Variants in VAV1 observed in about 807,000 individuals in gnomAD.
VAV1 encodes vav guanine nucleotide exchange factor 1.
VAV1 carries 33 observed loss-of-function variants against 128.1 expected under a neutral mutation model. The ratio of observed to expected loss-of-function variants is 0.26; its 90% confidence interval spans 0.20 to 0.34. The LOEUF is 0.34. Ranked by LOEUF, VAV1 falls within the 10% of genes least tolerant of loss-of-function variation. The pLI is 1.00. For missense variants in VAV1, 715 were observed against 1,093.7 expected (o/e 0.65, Z 4.88); for synonymous variants, 394 against 409.8 (o/e 0.96, Z 0.47).
Position 6,821,787 on chromosome 19 carries a change from C to T in VAV1, c.381-4C>T. On this transcript the variant is annotated splice_region_variant and splice_polypyrimidine_tract_variant and intron_variant, in intron 3 of 26. Transcript: ENST00000602142. ...CCCTGGCTCACACCCTCCTGACCCC[C>T]CAGGCCCTTCCCCACCGAGGAGGAG... 2.5e-6 allele frequency: 4 copies of T among 1,614,212 alleles called. No individual in the cohort carries two copies. Among genetic ancestry groups the T allele is most frequent in the Non-Finnish European group, 3.4e-6 (4 of 1,180,026 alleles).
At chr19:6,849,996 T>C (rs185300962) in intron 23 of VAV1, among the ~76,000 whole-genome samples, 1 of 152,178 alleles carries the variant, frequency 6.6e-6, no homozygotes, top group Non-Finnish European at 1.5e-5. Flanking sequence ...TTTTTAGTTC[T>C]TCGAGAAACC....
intron 1 of VAV1, among the ~76,000 whole-genome samples, chr19:6,801,466 A>T (rs750219357): frequency 6.6e-6 from 1 of 151,888 alleles, no homozygotes; most frequent in African/African-American, 2.4e-5. Flanking sequence ...GCTTCCTCAC[A>T]GAAGGGTTTG....
Position 6,843,164 on chromosome 19 carries a change from C to G in VAV1, c.2010C>G (p.Leu670=). ...CTCCTCAGGACCTGTCTGTTCATCT[C>G]TGGTGAGTAGAAACATTTATTTTTG... ...HGPPQDLSVH[L]WYAGPMERAG... The change falls in exon 22 of 27, where the codon CTC becomes CTG. Residue 670 remains leucine, a splice_region_variant and synonymous_variant. Coordinates refer to ENST00000602142, the MANE Select transcript of VAV1 (RefSeq NM_005428.4). 6.2e-7 allele frequency: 1 copy of G among 1,614,140 alleles called. No individual in the cohort carries two copies. Among genetic ancestry groups the G allele is most frequent in the Non-Finnish European group, 8.5e-7 (1 of 1,180,012 alleles).
intron 1 of VAV1, among the ~76,000 whole-genome samples, chr19:6,788,350 T>TA (rs1230328710): frequency 2.4e-4 from 34 of 141,972 alleles, no homozygotes; most frequent in Non-Finnish European, 4.6e-4. Flanking sequence ...TTCTTTTTAT[T>TA]TTATTATTAT....
At position 6,822,612 on chromosome 19, in the gene VAV1, T is replaced by A. The variant is rs969407807; in HGVS notation, c.654+98T>A. On this transcript the variant is annotated intron_variant, in intron 6 of 26. Coordinates refer to ENST00000602142, the MANE Select transcript of VAV1 (RefSeq NM_005428.4). This position sits in a 1 kb window ranked among gnomAD's most constrained non-coding sequence, Gnocchi z 5.9. Reference sequence around the variant, plus strand: ...CCGGCCGCTCTGGGCAGCTGAGGATTTCCTGCTCCCATCGCTTTTCCTTTC... The same window carrying A: ...CCGGCCGCTCTGGGCAGCTGAGGATATCCTGCTCCCATCGCTTTTCCTTTC... 1.3e-5 allele frequency: 14 copies of A among 1,047,646 alleles called. No individual in the cohort carries two copies. In the Admixed American group the frequency reaches 3.6e-4, roughly 27 times the overall value. 64.9% of individuals were successfully genotyped at this position (1,047,646 alleles called of 1,614,324 possible).
At position 6,826,529 on chromosome 19, in the gene VAV1, A is replaced by G; in HGVS notation, c.828-83A>G. The G allele has an allele frequency of 1.9e-6, 2 of 1,028,630 alleles. No homozygotes were observed. The highest frequency in any genetic ancestry group is 2.9e-6 in the Non-Finnish European group (2 of 680,110). The allele number at this position is 1,028,630 out of a possible 1,614,324, so 63.7% of individuals were successfully genotyped here. A position where few individuals can be genotyped will look rare whatever the true frequency, so the allele number is the denominator to read the frequency against. ...ACTCAGGTTTCTTCTCCAGCGGGGA[A>G]GAGCAAGGCCAGGGCTGACGCCAGC... On this transcript the variant is annotated intron_variant, in intron 8 of 26. Coordinates refer to ENST00000602142, the MANE Select transcript of VAV1 (RefSeq NM_005428.4). This position sits in a 1 kb window ranked among gnomAD's most constrained non-coding sequence, Gnocchi z 4.1.
At chr19:6,846,816 TATA>T (rs1436930564) in intron 22 of VAV1, among the ~76,000 whole-genome samples, 7 of 147,850 alleles carry the variant, frequency 4.7e-5, no homozygotes, top group Non-Finnish European at 1.0e-4. Context: ...TATATTATTA[TATA>T]ATGATTATAT....
intron 21 of VAV1, among the ~76,000 whole-genome samples, chr19:6,841,147 T>C (rs1052783274): frequency 2.0e-5 from 3 of 151,914 alleles, no homozygotes; most frequent in African/African-American, 7.3e-5. Flanking sequence ...ACTCCTGGGC[T>C]CAAGAGACCC....
At chr19:6,844,303 C>A (rs1972462271) in intron 22 of VAV1, among the ~76,000 whole-genome samples, 1 of 151,718 alleles carries the variant, frequency 6.6e-6, no homozygotes, top group African/African-American at 2.4e-5. Flanking sequence ...ACTGCAACCT[C>A]CACCTCCCAG....
chr19:6,786,122 C>T (rs1970887412), intron 1 of VAV1, among the ~76,000 whole-genome samples: 1 of 152,204 alleles, frequency 6.6e-6, no homozygotes, highest in African/African-American at 2.4e-5. Flanking sequence ...CTGTTTTCCA[C>T]ACTCAAATGT....
intron 1 of VAV1, among the ~76,000 whole-genome samples, chr19:6,790,316 C>T (rs934131681): frequency 7.9e-5 from 12 of 152,194 alleles, no homozygotes; most frequent in African/African-American, 2.7e-4. Context: ...ACAGTTAATA[C>T]TTTTCTGAGT....
intron 1 of VAV1, among the ~76,000 whole-genome samples, chr19:6,811,197 G>C (rs545779697): frequency 6.6e-6 from 1 of 151,962 alleles, no homozygotes; most frequent in Non-Finnish European, 1.5e-5. Flanking sequence ...CACCATGCCC[G>C]GCTAATTTTT....
chr19:6,776,958 T>C (rs1219508649), intron 1 of VAV1, among the ~76,000 whole-genome samples: 1 of 152,036 alleles, frequency 6.6e-6, no homozygotes, highest in Non-Finnish European at 1.5e-5. Context: ...GGTTTCACCA[T>C]ATTGGCCAGG....
At chr19:6,803,265 A>G (rs1278527395) in intron 1 of VAV1, among the ~76,000 whole-genome samples, 1 of 152,202 alleles carries the variant, frequency 6.6e-6, no homozygotes, top group East Asian at 1.9e-4. Context: ...TCATCTTTGT[A>G]CCCACTTTAA....
intron 26 of VAV1, 100 bp downstream of exon 26, chr19:6,854,198 A>G (rs1161828391): frequency 5.5e-6 from 8 of 1,465,672 alleles, no homozygotes; most frequent in African/African-American, 2.8e-5. Context: ...TGCGGCTCCC[A>G]TGGAGATCTC....
intron 22 of VAV1, among the ~76,000 whole-genome samples, chr19:6,845,378 C>T (rs534415719): frequency 7.9e-5 from 12 of 151,910 alleles, no homozygotes; most frequent in Admixed American, 2.6e-4. Flanking sequence ...GAGCGAGACT[C>T]GGTCTCAAAA....
Position 6,780,089 on chromosome 19 carries a change from C to T in VAV1, c.204+7078C>T, listed in dbSNP as rs528060585. On this transcript the variant is annotated intron_variant, in intron 1 of 26. Transcript: ENST00000602142. ...TCAGGCCACTGCACTCCAGCCTGGG[C>T]GACAGAGCAAGACTCTGTCTTAAAA... 1.8e-4 allele frequency among the ~76,000 whole-genome samples: 26 copies of T among 144,578 alleles called. No individual in the cohort carries two copies. In the East Asian group the frequency reaches 4.2e-3, roughly 23 times the overall value. The allele number at this position is 144,578 out of a possible 152,430, so 94.8% of individuals were successfully genotyped here. A position where few individuals can be genotyped will look rare whatever the true frequency, so the allele number is the denominator to read the frequency against.
Position 6,822,546 on chromosome 19 carries a change from G to A in VAV1, c.654+32G>A, listed in dbSNP as rs1488918025. The A allele has an allele frequency of 1.3e-6, 2 of 1,537,066 alleles. No individual in the cohort carries two copies. The highest frequency in any genetic ancestry group is 1.2e-5 in the South Asian group (1 of 83,822). On this transcript the variant is annotated intron_variant, in intron 6 of 26. Coordinates refer to ENST00000602142, the MANE Select transcript of VAV1 (RefSeq NM_005428.4). The surrounding 1 kb of genome is among the most constrained non-coding windows in gnomAD (Gnocchi z 5.9). ...GCCTCCCACCCAGCGCCTGCCGGGCGCATGCGCGGGAGCTGGGCCGGCAGG... is the reference window on the plus strand; with the variant it reads ...GCCTCCCACCCAGCGCCTGCCGGGCACATGCGCGGGAGCTGGGCCGGCAGG...
chr19:6,797,743 T>TAA (rs530435791), intron 1 of VAV1, among the ~76,000 whole-genome samples: 2,295 of 89,898 alleles, frequency 0.026, 132 homozygotes, highest in African/African-American at 0.089. Flanking sequence ...AAACTCCGTC[T>TAA]AAAAAAAAAA....
Sources: gnomAD v4.1 joint callset for allele counts (sites outside exome capture counted in the v4.1 genomes callset) on GRCh38, gnomAD v4.1.1 for gene constraint, Gnocchi (gnomAD v3.1) non-coding constraint, MANE v1.5 for transcripts, NCBI Gene and HGNC (gene_info 2026-07-23, HGNC 2026-07-21) for gene names.